The following GPR174 variants were observed in gnomAD, a reference collection of about 807,000 sequenced individuals.
GPR174 encodes the protein probable G protein-coupled receptor 174.
A neutral mutation model predicts 16.5 loss-of-function variants in GPR174; 8 were observed. The ratio of observed to expected loss-of-function variants is 0.48; its 90% CI spans 0.28 to 0.87. The LOEUF (loss-of-function observed/expected upper bound fraction) is 0.87, where lower values mean the gene tolerates loss of function less well. Among genes scored for constraint, GPR174 ranks in the 40% least tolerant of loss-of-function variants. GPR174 has a pLI of 0.09. For synonymous variants in GPR174, 111 were observed against 94.8 expected (o/e 1.17, Z -0.99); for missense variants, 214 against 247.5 (o/e 0.86, Z 0.91).
In GPR174 at chrX:79,170,706, TG is replaced by T. The variant is rs1401297593; in HGVS notation, c.-301del. The T allele has an allele frequency of 1.8e-5, 5 of 279,366 alleles. No homozygotes were observed. The highest frequency in any genetic ancestry group is 3.1e-5 in the Non-Finnish European group (5 of 161,509). 23.0% of individuals were successfully genotyped at this position (279,366 alleles called of 1,213,427 possible). On this transcript the variant is annotated 5_prime_UTR_variant, in exon 3 of 3. An upstream start codon of the reference 5' UTR is lost. Transcript: ENST00000645147. ...CCAAATGGGAGAGAATAAGCTCTCATGATGTCCCAGAGGGCCTTAAAATAAA... is the reference window on the plus strand; with the variant it reads ...CCAAATGGGAGAGAATAAGCTCTCATATGTCCCAGAGGGCCTTAAAATAAA...
At chrX:79,168,017 C>A (rs1405082641) in intron 2 of GPR174, among the ~76,000 whole-genome samples, 1 of 112,153 alleles carries the variant, frequency 8.9e-6, no homozygotes, top group Non-Finnish European at 1.9e-5. Context: ...CCTAGGGGAA[C>A]TAACCAGGCA....
At chrX:79,148,468 G>C (rs1926542706) in intron 1 of GPR174, among the ~76,000 whole-genome samples, 1 of 111,805 alleles carries the variant, frequency 8.9e-6, no homozygotes, top group Admixed American at 9.5e-5. Context: ...TGGCAGATGA[G>C]ATTCAGTATT....
In GPR174 at chrX:79,171,814, G is replaced by A. The variant is rs774642703; in HGVS notation, c.807G>A (p.Val269=). 14 of 1,210,365 alleles carry A rather than the reference G, an allele frequency of 1.2e-5. No homozygotes were observed. The highest frequency in any genetic ancestry group is 1.6e-5 in the Non-Finnish European group (14 of 894,745). The part of the protein sequence containing the change: ...NEIKSCLARR[V]ILIFHSVALC... The stretch of plus-strand genomic sequence containing the variant: ...TTAAAAGCTGCCTAGCCAGAAGGGT[G>A]ATTCTAATATTTCATTCTGTGGCAT... The change falls in exon 3 of 3, where the codon GTG becomes GTA. Residue 269 remains valine, a synonymous_variant. Coordinates refer to ENST00000645147, the MANE Select transcript of GPR174 (RefSeq NM_032553.3).
At chrX:79,162,843 A>C (rs1258546604) in intron 2 of GPR174, among the ~76,000 whole-genome samples, 3 of 111,961 alleles carry the variant, frequency 2.7e-5, no homozygotes, top group Admixed American at 9.5e-5. Context: ...ATTTAAAGGA[A>C]GAAGGGCCAA....
chrX:79,171,897 A>G lies in GPR174; in HGVS notation c.890A>G (p.Asn297Ser), dbSNP rs1348531992. Reference sequence around the variant, plus strand: ...CCAGTCATATACTACTTTTCCACTAATGAGTTCCGAAGACGGCTTTCAAGA... The same window carrying G: ...CCAGTCATATACTACTTTTCCACTAGTGAGTTCCGAAGACGGCTTTCAAGA... ...LDPVIYYFST[N>S]EFRRRLSRQD... is the part of the protein sequence containing the mutation. Residue 297 changes from asparagine (N) to serine (S), a missense_variant, in exon 3 of 3, where the codon AAT becomes AGT. Transcript: ENST00000645147. The G allele has an allele frequency of 1.7e-6, 2 of 1,210,916 alleles. No homozygotes were observed. Among genetic ancestry groups the G allele is most frequent in the Admixed American group, 4.4e-5 (2 of 45,974 alleles).
chrX:79,164,083 T>A lies in GPR174; in HGVS notation c.-556-6369T>A, dbSNP rs148040946. 1.1e-3 allele frequency among the ~76,000 whole-genome samples: 118 copies of A among 111,463 alleles called. 1 individual carries two copies. In the East Asian group the frequency reaches 0.032, roughly 30 times the overall value. On this transcript the variant is annotated intron_variant, in intron 2 of 2. Coordinates refer to ENST00000645147, the MANE Select transcript of GPR174 (RefSeq NM_032553.3). ...TGTTCGATATTTCATACTTGGGGCA[T>A]CCTTATTATAGACTTAGAGTAGACT... is the stretch of plus-strand genomic sequence containing the variant.
At chrX:79,162,635 G>C (rs933605346) in intron 2 of GPR174, among the ~76,000 whole-genome samples, 6 of 111,906 alleles carry the variant, frequency 5.4e-5, no homozygotes, top group Non-Finnish European at 1.1e-4. Flanking sequence ...CTGTTTAGCA[G>C]GTGTTTCTTA....
At chrX:79,160,468 G>A (rs1190146568) in intron 2 of GPR174, among the ~76,000 whole-genome samples, 1 of 111,467 alleles carries the variant, frequency 9.0e-6, no homozygotes, top group African/African-American at 3.3e-5. Flanking sequence ...ATCACTGTGG[G>A]GAATCCCATG....
intron 2 of GPR174, among the ~76,000 whole-genome samples, chrX:79,161,290 T>G (rs2147454335): frequency 8.9e-6 from 1 of 111,854 alleles, no homozygotes; most frequent in East Asian, 2.8e-4. Context: ...ACCCTAACAC[T>G]TGTTTAAATT....
rs777870727 is a variant in GPR174, at chrX:79,172,012, CA to C, written c.*9del. 2 of 1,174,881 alleles carry C rather than the reference CA, an allele frequency of 1.7e-6. No individual in the cohort carries two copies. Among genetic ancestry groups the C allele is most frequent in the Non-Finnish European group, 1.1e-6 (1 of 877,586 alleles). On this transcript the variant is annotated 3_prime_UTR_variant, in exon 3 of 3. Coordinates refer to ENST00000645147, the MANE Select transcript of GPR174 (RefSeq NM_032553.3). ...CCATGACACCTGAATTATGCTAAAACAAAAAACCAAACTGAATGTGACCTGA... is the reference window on the plus strand; with the variant it reads ...CCATGACACCTGAATTATGCTAAAACAAAAACCAAACTGAATGTGACCTGA...
chrX:79,169,262 T>C (rs949162909), intron 2 of GPR174, among the ~76,000 whole-genome samples: 3 of 111,963 alleles, frequency 2.7e-5, no homozygotes, highest in African/African-American at 9.8e-5. Context: ...TCATTTAAAA[T>C]TGGAGTCTGT....
intron 1 of GPR174, among the ~76,000 whole-genome samples, chrX:79,146,601 A>C (rs1222434428): frequency 8.9e-6 from 1 of 112,497 alleles, no homozygotes; most frequent in East Asian, 2.8e-4. Flanking sequence ...GAACACATGT[A>C]CTGCTTTGCT....
At chrX:79,155,341 G>A (rs1019363824) in intron 1 of GPR174, among the ~76,000 whole-genome samples, 1 of 111,063 alleles carries the variant, frequency 9.0e-6, no homozygotes, top group South Asian at 3.8e-4. Context: ...CTGCCTTTTG[G>A]TTACTCATCT....
chrX:79,173,336 A>G lies in GPR174; in HGVS notation c.*1327A>G, dbSNP rs957300138. On this transcript the variant is annotated 3_prime_UTR_variant, in exon 3 of 3. Transcript: ENST00000645147. ...ACCAATGGCCAATGACTTGCCTACT[A>G]CCTGTTTGGTACTATTGTGTGGGAA... The G allele has an allele frequency of 8.9e-6, 1 of 112,002 alleles. No individual in the cohort carries two copies. Among genetic ancestry groups the G allele is most frequent in the Non-Finnish European group, 1.9e-5 (1 of 53,173 alleles). 9.2% of individuals were successfully genotyped at this position (112,002 alleles called of 1,213,427 possible).
At chrX:79,167,217 CAG>C (rs1921395189) in intron 2 of GPR174, among the ~76,000 whole-genome samples, 1 of 112,179 alleles carries the variant, frequency 8.9e-6, no homozygotes, top group South Asian at 3.7e-4. Context: ...CTTTATCACT[CAG>C]TGAAGATTCT....
intron 2 of GPR174, among the ~76,000 whole-genome samples, chrX:79,157,710 T>A (rs746443198): frequency 1.8e-5 from 2 of 111,569 alleles, no homozygotes; most frequent in Non-Finnish European, 3.8e-5. Flanking sequence ...GGGGCAGATT[T>A]GGAAGATGCA....
At chrX:79,147,634 T>C (rs1280886067) in intron 1 of GPR174, among the ~76,000 whole-genome samples, 2 of 109,138 alleles carry the variant, frequency 1.8e-5, no homozygotes, top group Non-Finnish European at 3.8e-5. Flanking sequence ...AGCCAATTCA[T>C]TAGACAAGAG....
Position 79,171,785 on chromosome X carries a change from G to A in GPR174, c.778G>A (p.Glu260Lys), listed in dbSNP as rs770105674. The change falls in exon 3 of 3, where the codon GAA (glutamate) becomes AAA (lysine). Residue 260 changes from glutamate (E) to lysine (K), a missense_variant. By Grantham distance (56) the Glu-to-Lys change is moderately conservative. Transcript: ENST00000645147. ...TTTAGATTTCCTGGTGAAGTCCAAT[G>A]AAATTAAAAGCTGCCTAGCCAGAAG... ...FPLDFLVKSN[E>K]IKSCLARRVI... The A allele has an allele frequency of 8.3e-7, 1 of 1,210,597 alleles. No individual in the cohort carries two copies. The highest frequency in any genetic ancestry group is 1.8e-5 in the South Asian group (1 of 56,769).
chrX:79,171,818 C>G lies in GPR174; in HGVS notation c.811C>G (p.Leu271Val). The G allele has an allele frequency of 8.3e-7, 1 of 1,210,302 alleles. No individual in the cohort carries two copies. Among genetic ancestry groups the G allele is most frequent in the Non-Finnish European group, 1.1e-6 (1 of 894,760 alleles). ...AAGCTGCCTAGCCAGAAGGGTGATT[C>G]TAATATTTCATTCTGTGGCATTGTG... is the stretch of plus-strand genomic sequence containing the variant. ...IKSCLARRVI[L>V]IFHSVALCLA... Residue 271 changes from leucine (L) to valine (V), a missense_variant, in exon 3 of 3, where the codon CTA becomes GTA. Transcript: ENST00000645147.
Sources: allele counts gnomAD v4.1 joint callset (sites outside exome capture counted in the v4.1 genomes callset), GRCh38; gene constraint gnomAD v4.1.1; transcripts MANE v1.5; gene names NCBI Gene and HGNC (gene_info 2026-07-23, HGNC 2026-07-21).